FSD1: variants seen among roughly 807,000 people sequenced by gnomAD.
FSD1 encodes fibronectin type III and SPRY domain-containing protein 1.
FSD1 carries 23 observed loss-of-function variants against 58.2 expected under a neutral mutation model. That is an observed-to-expected ratio of 0.40 (90% CI 0.28 to 0.56). FSD1 has a LOEUF of 0.56. Ranked by LOEUF, FSD1 falls within the 20% of genes least tolerant of loss-of-function variation. FSD1 has a pLI of 0.54. For synonymous variants in FSD1, 265 were observed against 263.4 expected (o/e 1.01, Z -0.06); for missense variants, 563 against 670.8 (o/e 0.84, Z 1.78).
chr19:4,310,832 C>A (rs1971681955), intron 6 of FSD1: 1 of 483,582 alleles, frequency 2.1e-6, no homozygotes, highest in Non-Finnish European at 3.7e-6. Context: ...TGGGAAAACT[C>A]TGTACCCAGG....
chr19:4,310,667 A>G (rs1453669070), intron 6 of FSD1, 71 bp downstream of exon 6: 2 of 1,540,700 alleles, frequency 1.3e-6, no homozygotes, highest in Non-Finnish European at 1.8e-6. Context: ...GCCCTGAAAC[A>G]GGACCTGGAG....
chr19:4,308,364 T>C (rs1971648313), intron 4 of FSD1, among the ~76,000 whole-genome samples: 1 of 151,750 alleles, frequency 6.6e-6, no homozygotes. Context: ...GCTGAGATTG[T>C]GTCACTGCAT....
At position 4,310,594 on chromosome 19, in the gene FSD1, C is replaced by G; in HGVS notation, c.488C>G (p.Pro163Arg). ...ATGCTACAGGCACTCAAGTTCCTGC[C>G]TGGTGAGAGGGGCACGCACTAGAGG... The part of the protein sequence containing the change: ...RQMLQALKFL[P>R]VPSAPVIDLA... The change falls in exon 6 of 13, where the codon CCT becomes CGT. Residue 163 changes from proline to arginine, a missense_variant and splice_region_variant. Physicochemically the swap from Pro to Arg is moderately radical, Grantham distance 103. Coordinates refer to ENST00000221856, the MANE Select transcript of FSD1 (RefSeq NM_024333.3). 1.2e-6 allele frequency: 2 copies of G among 1,612,774 alleles called. No individual in the cohort carries two copies. The highest frequency in any genetic ancestry group is 1.7e-6 in the Non-Finnish European group (2 of 1,179,826).
At chr19:4,308,819 C>T (rs968272325) in intron 4 of FSD1, among the ~76,000 whole-genome samples, 9 of 151,372 alleles carry the variant, frequency 5.9e-5, no homozygotes, top group African/African-American at 2.2e-4. Flanking sequence ...GATCGCGCCA[C>T]CGCACTCCAG....
At chr19:4,317,021 G>A (rs1466135321) in intron 7 of FSD1, among the ~76,000 whole-genome samples, 161 bp from the exon 8 acceptor site, 6 of 152,194 alleles carry the variant, frequency 3.9e-5, no homozygotes, top group Admixed American at 3.9e-4. Flanking sequence ...CCAAAGTGCT[G>A]GGATTACAGG....
chr19:4,309,394 A>G (rs891288608), intron 4 of FSD1, among the ~76,000 whole-genome samples: 1 of 152,218 alleles, frequency 6.6e-6, no homozygotes, highest in African/African-American at 2.4e-5. Context: ...GTCATGATTT[A>G]TCTGAAATGC....
At chr19:4,321,707 G>A (rs1172224845) in intron 10 of FSD1, among the ~76,000 whole-genome samples, 5 of 151,970 alleles carry the variant, frequency 3.3e-5, no homozygotes, top group Admixed American at 3.3e-4. Flanking sequence ...TATTTGGAGG[G>A]AATAACTGGA....
Position 4,318,957 on chromosome 19 carries a change from G to C in FSD1, c.1039+6G>C, listed in dbSNP as rs1034691180. Reference sequence around the variant, plus strand: ...TGAGTCCTACACAGTTCTGGGTAAGGAAGGGGAGAAGAAAGGGGAGAGGGG... The same window carrying C: ...TGAGTCCTACACAGTTCTGGGTAAGCAAGGGGAGAAGAAAGGGGAGAGGGG... On this transcript the variant is annotated splice_donor_region_variant and intron_variant, in intron 10 of 12. Transcript: ENST00000221856. 19 of 1,611,760 alleles carry C rather than the reference G, an allele frequency of 1.2e-5. No individual in the cohort carries two copies. Among genetic ancestry groups the C allele is most frequent in the Non-Finnish European group, 1.6e-5 (19 of 1,178,428 alleles).
At chr19:4,320,254 G>A (rs960737915) in intron 10 of FSD1, among the ~76,000 whole-genome samples, 1 of 152,122 alleles carries the variant, frequency 6.6e-6, no homozygotes, top group African/African-American at 2.4e-5. Flanking sequence ...AGAGGAGGGA[G>A]TCTTGAGTCC....
chr19:4,322,051 T>C (rs1447576011), intron 10 of FSD1, among the ~76,000 whole-genome samples: 1 of 137,648 alleles, frequency 7.3e-6, no homozygotes, highest in East Asian at 2.3e-4. Context: ...CCAAGGAGTA[T>C]CTGAGAGGAA....
chr19:4,317,907 C>T (rs1971772003), intron 8 of FSD1, among the ~76,000 whole-genome samples: 1 of 152,148 alleles, frequency 6.6e-6, no homozygotes, highest in African/African-American at 2.4e-5. Context: ...GTCCCAGCTA[C>T]TTGGGAGGCT....
rs763659054 is a variant in FSD1 at position 4,323,512 on chromosome 19, C to A, written c.1381-21C>A. ...GGGGTTTGAAGCTGAGCCCCTCCCC[C>A]CTCCCCCCGCTGTCCCTCAGGTATG... On this transcript the variant is annotated intron_variant, in intron 12 of 12. Coordinates refer to ENST00000221856, the MANE Select transcript of FSD1 (RefSeq NM_024333.3). The surrounding 1 kb of genome is among the most constrained non-coding windows in gnomAD (Gnocchi z 7.7). 1.8e-5 allele frequency: 25 copies of A among 1,358,434 alleles called. No homozygotes were observed. In the South Asian group the frequency reaches 2.3e-4, roughly 13 times the overall value. 84.1% of individuals were successfully genotyped at this position (1,358,434 alleles called of 1,614,324 possible).
In FSD1 at chr19:4,322,924, A is replaced by G. The variant is rs1001600354; in HGVS notation, c.1040-62A>G. The G allele has an allele frequency of 2.0e-5, 31 of 1,539,560 alleles. No individual in the cohort carries two copies. The African/African-American group carries it at 2.5e-4, about 12-fold the overall frequency. The stretch of plus-strand genomic sequence containing the variant: ...ACCTTGGGGGCTGGCCCTTTGTGGA[A>G]GGGCATCTGTGGCCCAGTTCTATCC... On this transcript the variant is annotated intron_variant, in intron 10 of 12. Coordinates refer to ENST00000221856, the MANE Select transcript of FSD1 (RefSeq NM_024333.3).
At chr19:4,312,447 C>T (rs149776317) in intron 7 of FSD1, among the ~76,000 whole-genome samples, 6,859 of 151,504 alleles carry the variant, frequency 0.045, 207 homozygotes, top group Non-Finnish European at 0.067. Flanking sequence ...GCCGAGATCG[C>T]GCTATTGCAC....
chr19:4,313,429 A>G (rs950965548), intron 7 of FSD1, among the ~76,000 whole-genome samples: 3 of 137,168 alleles, frequency 2.2e-5, no homozygotes, highest in African/African-American at 8.8e-5. Context: ...GAAGGGGGAA[A>G]GCCTCCTGGG....
intron 7 of FSD1, 43 bp from the exon 8 acceptor site, chr19:4,317,139 A>G (rs1041425298): frequency 3.7e-6 from 4 of 1,089,328 alleles, no homozygotes; most frequent in South Asian, 1.2e-5. Context: ...TCAGAGTCTC[A>G]GGGAATAATA....
intron 10 of FSD1, among the ~76,000 whole-genome samples, chr19:4,322,662 T>G (rs1971711118): frequency 6.8e-6 from 1 of 147,700 alleles, no homozygotes; most frequent in Non-Finnish European, 1.5e-5. Flanking sequence ...AGGGAATAGC[T>G]GGGGCCCAAG....
Position 4,323,763 on chromosome 19 carries a change from G to C in FSD1, c.*120G>C, listed in dbSNP as rs970120571. ...TTGGAGCCTTAACTCCAGATGGGGG[G>C]GTCACCAAGAGGGAGTGGGCACCCT... is the stretch of plus-strand genomic sequence containing the variant. On this transcript the variant is annotated 3_prime_UTR_variant, in exon 13 of 13. Coordinates refer to ENST00000221856, the MANE Select transcript of FSD1 (RefSeq NM_024333.3). This position sits in a 1 kb window ranked among gnomAD's most constrained non-coding sequence, Gnocchi z 7.7. The C allele has an allele frequency of 5.2e-5, 37 of 712,230 alleles. No individual in the cohort carries two copies. The South Asian group carries it at 6.8e-4, about 13-fold the overall frequency. 44.1% of individuals were successfully genotyped at this position (712,230 alleles called of 1,614,324 possible).
rs763491624 is a variant in FSD1, at chr19:4,323,183, G to C, written c.1237G>C (p.Val413Leu). The C allele has an allele frequency of 1.2e-6, 2 of 1,604,808 alleles. No individual in the cohort carries two copies. The highest frequency in any genetic ancestry group is 1.7e-6 in the Non-Finnish European group (2 of 1,179,808). ...FTAKHANKVK[V>L]LDAPVPDCLG... is the part of the protein sequence containing the mutation. ...GGCCAAGCACGCCAACAAGGTCAAG[G>C]TGCTGGACGCCCCCGTGCCCGACTG... Residue 413 changes from valine to leucine, a missense_variant, in exon 11 of 13, where the codon GTG (valine) becomes CTG (leucine). Val to Leu is a conservative substitution (Grantham distance 32). Coordinates refer to ENST00000221856, the MANE Select transcript of FSD1 (RefSeq NM_024333.3). This position sits in a 1 kb window ranked among gnomAD's most constrained non-coding sequence, Gnocchi z 7.7.
Sources: allele counts gnomAD v4.1 joint callset (sites outside exome capture counted in the v4.1 genomes callset), GRCh38; gene constraint gnomAD v4.1.1; non-coding constraint Gnocchi (gnomAD v3.1); transcripts MANE v1.5; gene names NCBI Gene and HGNC (gene_info 2026-07-23, HGNC 2026-07-21).